Variants in AGTPBP1 observed in about 807,000 individuals in gnomAD.
The protein encoded by AGTPBP1 is ATP/GTP binding carboxypeptidase 1, also known as cytosolic carboxypeptidase 1.
AGTPBP1 carries 70 observed loss-of-function variants against 143.9 expected under a neutral mutation model. The observed-to-expected ratio is 0.49, with a 90% confidence interval of 0.40 to 0.59. The LOEUF is 0.59. Ranked by LOEUF, AGTPBP1 falls within the 20% of genes least tolerant of loss-of-function variation. The probability of loss-of-function intolerance (pLI) is 0.00; values close to 1 mark genes in which losing one functional copy is unlikely to be tolerated. For missense variants in AGTPBP1, 1,229 were observed against 1,464.5 expected (o/e 0.84, Z 2.62); for synonymous variants, 463 against 500.2 (o/e 0.93, Z 0.99).
intron 14 of AGTPBP1, among the ~76,000 whole-genome samples, chr9:85,631,921 T>C (rs1831703777): frequency 6.6e-6 from 1 of 152,204 alleles, no homozygotes; most frequent in Admixed American, 6.5e-5. Context: ...TAATCTTACT[T>C]GGCAATATTT....
rs768905673 is a variant in AGTPBP1, at chr9:85,633,081, C to A, written c.1596G>T (p.Lys532Asn). Residue 532 changes from lysine (K) to asparagine (N), a missense_variant, in exon 14 of 26, where the codon AAG (lysine) becomes AAT (asparagine). By Grantham distance (94) the Lys-to-Asn change is moderately conservative (BLOSUM62 0). Coordinates refer to ENST00000357081, the MANE Select transcript of AGTPBP1 (RefSeq NM_001330701.2). ...SVHGLNNDIV[K>N]ALDRITLQNI... The stretch of plus-strand genomic sequence containing the variant: ...TCTGCAATGTAATTCGGTCCAAGGC[C>A]TTTACAATATCATTGTTTAAACCAT... 2.5e-6 allele frequency: 4 copies of A among 1,614,138 alleles called. No homozygotes were observed. The highest frequency in any genetic ancestry group is 3.4e-6 in the Non-Finnish European group (4 of 1,180,020).
chr9:85,649,388 A>T (rs1268568074), intron 11 of AGTPBP1, among the ~76,000 whole-genome samples: 1 of 152,202 alleles, frequency 6.6e-6, no homozygotes, highest in Non-Finnish European at 1.5e-5. Context: ...ATACACATAT[A>T]CACACGTAGA....
chr9:85,578,939 C>A lies in AGTPBP1; in HGVS notation c.3323G>T (p.Cys1108Phe), dbSNP rs1382226446. 2 of 1,613,174 alleles carry A rather than the reference C, an allele frequency of 1.2e-6. No individual in the cohort carries two copies. Among genetic ancestry groups the A allele is most frequent in the Admixed American group, 1.7e-5 (1 of 59,814 alleles). Reference protein sequence around the residue: ...SYTMESTLCGCDQGKYKGLQI... With the variant: ...SYTMESTLCGFDQGKYKGLQI... ...TTTTACCTTGTATTTTCCCTGATCA[C>A]AGCCACATAAAGTACTCTCCATGGT... is the stretch of plus-strand genomic sequence containing the variant. The change falls in exon 24 of 26, where the codon TGT becomes TTT. Residue 1108 changes from cysteine to phenylalanine, a missense_variant. Cys to Phe is a radical substitution (Grantham distance 205). Coordinates refer to ENST00000357081, the MANE Select transcript of AGTPBP1 (RefSeq NM_001330701.2).
At chr9:85,691,818 C>T (rs1014796787) in intron 3 of AGTPBP1, among the ~76,000 whole-genome samples, 19 of 151,974 alleles carry the variant, frequency 1.3e-4, no homozygotes, top group Admixed American at 3.9e-4. Flanking sequence ...TGTACTCTAT[C>T]GGGGTTTTGA....
chr9:85,624,425 TA>T, intron 14 of AGTPBP1, among the ~76,000 whole-genome samples: 1 of 152,342 alleles, frequency 6.6e-6, no homozygotes, highest in East Asian at 1.9e-4. Context: ...AGAGGTGCTA[TA>T]GTATTAAATG....
In AGTPBP1 at chr9:85,635,988, A is replaced by C. The variant is rs148578927; in HGVS notation, c.1303-2614T>G. The stretch of plus-strand genomic sequence containing the variant: ...TGAATTCATGTCATTTTGGTGGTCC[A>C]AAAGCCCTTGAGGATTCAATCTATA... On this transcript the variant is annotated intron_variant, in intron 13 of 25. Coordinates refer to ENST00000357081, the MANE Select transcript of AGTPBP1 (RefSeq NM_001330701.2). Among the ~76,000 whole-genome samples the C allele has an allele frequency of 1.2e-3, 182 of 152,312 alleles. 1 individual carries two copies. The highest frequency in any genetic ancestry group is 4.2e-3 in the African/African-American group (174 of 41,588).
intron 17 of AGTPBP1, among the ~76,000 whole-genome samples, chr9:85,612,086 C>T (rs1402597615): frequency 1.3e-5 from 2 of 152,146 alleles, no homozygotes; most frequent in Admixed American, 6.5e-5. Flanking sequence ...AATGGAGGTG[C>T]CAGAAACATC....
intron 17 of AGTPBP1, among the ~76,000 whole-genome samples, chr9:85,597,345 T>C (rs1694146270): frequency 6.6e-6 from 1 of 152,024 alleles, no homozygotes; most frequent in Non-Finnish European, 1.5e-5. Flanking sequence ...AATTAAAATA[T>C]TTTATCTCCT....
At chr9:85,570,166 G>A (rs928787942) in intron 25 of AGTPBP1, among the ~76,000 whole-genome samples, 16 of 152,184 alleles carry the variant, frequency 1.1e-4, no homozygotes, top group African/African-American at 3.9e-4. Context: ...TCTATAGTGT[G>A]GCTATGCTGG....
the AGTPBP1 span, among the ~76,000 whole-genome samples, chr9:85,766,791 A>G: frequency 6.6e-6 from 1 of 152,226 alleles, no homozygotes; most frequent in African/African-American, 2.4e-5. Context: ...GATGATCGAG[A>G]ACATGAGATT....
intron 14 of AGTPBP1, among the ~76,000 whole-genome samples, chr9:85,629,614 C>G (rs1831526907): frequency 6.6e-6 from 1 of 152,236 alleles, no homozygotes; most frequent in Non-Finnish European, 1.5e-5. Flanking sequence ...AATCTGCATA[C>G]AGACATTCAC....
chr9:85,550,713 T>C (rs1365015613), intron 25 of AGTPBP1, among the ~76,000 whole-genome samples: 1 of 152,080 alleles, frequency 6.6e-6, no homozygotes, highest in African/African-American at 2.4e-5. Flanking sequence ...CTCACCGTTC[T>C]CCCCACCAAG....
chr9:85,713,201 C>G lies in AGTPBP1; in HGVS notation c.-33-635G>C, dbSNP rs577793785. 2.9e-3 allele frequency among the ~76,000 whole-genome samples: 446 copies of G among 152,292 alleles called. 1 individual carries two copies. Among genetic ancestry groups the G allele is most frequent in the Non-Finnish European group, 4.9e-3 (331 of 68,024 alleles). ...TGCTTACTGTAGCAGAATTTTTTGGCATCACCAAAAAGTAGAATAACTACT... is the reference window on the plus strand; with the variant it reads ...TGCTTACTGTAGCAGAATTTTTTGGGATCACCAAAAAGTAGAATAACTACT... On this transcript the variant is annotated intron_variant, in intron 1 of 25. Transcript: ENST00000357081.
chr9:85,599,108 T>C (rs1367786237), intron 17 of AGTPBP1, among the ~76,000 whole-genome samples: 1 of 98,478 alleles, frequency 1.0e-5, no homozygotes, highest in Non-Finnish European at 1.9e-5. Context: ...ACCTTGTCAC[T>C]GAACACACAC....
At position 85,741,759 on chromosome 9, in the gene AGTPBP1, G is replaced by A. The variant is rs62570635; in HGVS notation, c.-34+16C>T. 0.019 allele frequency: 24,823 copies of A among 1,321,526 alleles called. 282 individuals are homozygous for A. Among genetic ancestry groups the A allele is most frequent in the Middle Eastern group, 0.031 (108 of 3,508 alleles). The allele number at this position is 1,321,526 out of a possible 1,614,324, so 81.9% of individuals were successfully genotyped here. ...GACGGCCGGCCGGGACATGAGGACT[G>A]CAGCAGGGCGCTCACCGGCTCAGGA... On this transcript the variant is annotated intron_variant, in intron 1 of 25. Coordinates refer to ENST00000357081, the MANE Select transcript of AGTPBP1 (RefSeq NM_001330701.2).
At chr9:85,625,331 A>C (rs941111452) in intron 14 of AGTPBP1, among the ~76,000 whole-genome samples, 4 of 152,218 alleles carry the variant, frequency 2.6e-5, no homozygotes, top group Non-Finnish European at 5.9e-5. Flanking sequence ...GTTTTTCCAT[A>C]ACCTCATCAA....
chr9:85,799,675 C>G, the AGTPBP1 span, among the ~76,000 whole-genome samples: 1 of 152,080 alleles, frequency 6.6e-6, no homozygotes, highest in Non-Finnish European at 1.5e-5. Flanking sequence ...ACCACCAGGC[C>G]CAGCCAATTT....
chr9:85,672,476 A>G (rs934229315), intron 7 of AGTPBP1, 74 bp downstream of exon 7: 369 of 1,488,408 alleles, frequency 2.5e-4, no homozygotes, highest in Non-Finnish European at 3.0e-4. Flanking sequence ...AGGTTTACAG[A>G]ATCAGGATAC....
At chr9:85,796,985 C>G in the AGTPBP1 span, among the ~76,000 whole-genome samples, 1 of 151,968 alleles carries the variant, frequency 6.6e-6, no homozygotes, top group Non-Finnish European at 1.5e-5. Flanking sequence ...CAGGGTTTCA[C>G]CGTGTTAGCC....
Sources: gnomAD v4.1 joint callset for allele counts (sites outside exome capture counted in the v4.1 genomes callset) on GRCh38, gnomAD v4.1.1 for gene constraint, MANE v1.5 for transcripts, NCBI Gene and HGNC (gene_info 2026-07-23, HGNC 2026-07-21) for gene names.